DLG2: variants seen among roughly 807,000 people sequenced by gnomAD.
DLG2 encodes the protein discs large MAGUK scaffold protein 2, also known as disks large homolog 2.
In DLG2, 45 loss-of-function variants were observed where a neutral mutation model predicts 132.5. The observed-to-expected ratio is 0.34, with a 90% confidence interval of 0.27 to 0.44. DLG2 has a LOEUF of 0.44. Ranked by LOEUF, DLG2 falls within the 20% of genes least tolerant of loss-of-function variation. The probability of loss-of-function intolerance (pLI) is 1.00; values close to 1 mark genes in which losing one functional copy is unlikely to be tolerated. For missense variants in DLG2, 1,045 were observed against 1,196.9 expected (o/e 0.87, Z 1.87); for synonymous variants, 424 against 419.6 (o/e 1.01, Z -0.13).
chr11:84,627,758 C>A (rs746042030), intron 6 of DLG2, among the ~76,000 whole-genome samples: 3 of 152,142 alleles, frequency 2.0e-5, no homozygotes, highest in Non-Finnish European at 4.4e-5. Context: ...CCTCAGGGAG[C>A]TTTTACTCAT....
intron 3 of DLG2, among the ~76,000 whole-genome samples, chr11:85,517,606 TTTC>T (rs1384697600): frequency 1.3e-5 from 2 of 151,916 alleles, no homozygotes; most frequent in Non-Finnish European, 1.5e-5. Context: ...GTAGCATTTC[TTTC>T]TTCTTTTTTT....
chr11:85,406,367 A>T (rs2088734795), intron 3 of DLG2, among the ~76,000 whole-genome samples: 1 of 151,952 alleles, frequency 6.6e-6, no homozygotes, highest in South Asian at 2.1e-4. Flanking sequence ...TCTCAGAGTC[A>T]GCATTGTAGG....
At chr11:84,443,772 T>C (rs2099024508) in intron 7 of DLG2, among the ~76,000 whole-genome samples, 1 of 152,056 alleles carries the variant, frequency 6.6e-6, no homozygotes, top group African/African-American at 2.4e-5. Context: ...ACTTGATGTA[T>C]ACTGAACACT....
At chr11:85,195,298 T>C (rs1219748318) in intron 4 of DLG2, among the ~76,000 whole-genome samples, 1 of 152,080 alleles carries the variant, frequency 6.6e-6, no homozygotes, top group Non-Finnish European at 1.5e-5. Context: ...TAATGGTGAC[T>C]ATATTTTTCA....
chr11:84,539,147 G>A (rs1221932251), intron 6 of DLG2, among the ~76,000 whole-genome samples: 7 of 152,090 alleles, frequency 4.6e-5, no homozygotes, highest in Non-Finnish European at 1.0e-4. Flanking sequence ...ATCACCATAT[G>A]AGACATAGGT....
intron 6 of DLG2, among the ~76,000 whole-genome samples, chr11:84,820,372 T>G (rs1239498069): frequency 6.6e-6 from 1 of 151,924 alleles, no homozygotes; most frequent in Non-Finnish European, 1.5e-5. Flanking sequence ...AGTTTCTTTC[T>G]GTTCCACTTT....
intron 8 of DLG2, among the ~76,000 whole-genome samples, chr11:84,184,467 T>C (rs982568258): frequency 2.6e-5 from 4 of 152,120 alleles, no homozygotes; most frequent in African/African-American, 9.7e-5. Flanking sequence ...ATTCTGGATA[T>C]TAGCCCTTTG....
At chr11:84,352,632 T>C (rs2098584850) in intron 7 of DLG2, among the ~76,000 whole-genome samples, 1 of 152,192 alleles carries the variant, frequency 6.6e-6, no homozygotes, top group African/African-American at 2.4e-5. Context: ...TTGTTGCTTA[T>C]CTGCTGGCTC....
intron 3 of DLG2, among the ~76,000 whole-genome samples, chr11:85,499,151 G>A (rs2153122563): frequency 6.6e-6 from 1 of 152,150 alleles, no homozygotes; most frequent in East Asian, 1.9e-4. Context: ...AAAAATTAAT[G>A]AATCCTGGAG....
chr11:85,179,814 G>A, intron 4 of DLG2, among the ~76,000 whole-genome samples: 1 of 151,816 alleles, frequency 6.6e-6, no homozygotes, highest in Non-Finnish European at 1.5e-5. Flanking sequence ...GTTAATAACG[G>A]TAGTTAATAC....
chr11:83,537,830 AAAAAAGAGAG>A (rs1445731913), intron 20 of DLG2, among the ~76,000 whole-genome samples: 2,039 of 138,668 alleles, frequency 0.015, 103 homozygotes, highest in African/African-American at 0.043. Context: ...AAAAAAAAAA[AAAAAAGAGAG>A]AGAGAGATAC....
chr11:84,385,229 C>T (rs1186737178), intron 7 of DLG2, among the ~76,000 whole-genome samples: 1 of 151,928 alleles, frequency 6.6e-6, no homozygotes, highest in South Asian at 2.1e-4. Flanking sequence ...TTTTTTTAAT[C>T]TCTTTAAAGA....
At chr11:84,784,090 G>T (rs1462062288) in intron 6 of DLG2, among the ~76,000 whole-genome samples, 1 of 127,098 alleles carries the variant, frequency 7.9e-6, no homozygotes, top group Non-Finnish European at 1.6e-5. Flanking sequence ...CTGAGGTCAG[G>T]AGTTCAAGAC....
At chr11:83,881,289 C>T (rs2066195564) in intron 15 of DLG2, among the ~76,000 whole-genome samples, 1 of 152,086 alleles carries the variant, frequency 6.6e-6, no homozygotes, top group Non-Finnish European at 1.5e-5. Context: ...ATATTTGTGA[C>T]CTCAAATGAT....
intron 4 of DLG2, among the ~76,000 whole-genome samples, chr11:85,275,206 T>G (rs1356260819): frequency 6.6e-6 from 1 of 152,136 alleles, no homozygotes; most frequent in Admixed American, 6.6e-5. Flanking sequence ...TGACTAGAGG[T>G]GCTAATTGCT....
chr11:84,400,436 G>A (rs1465378023), intron 7 of DLG2, among the ~76,000 whole-genome samples: 1 of 152,160 alleles, frequency 6.6e-6, no homozygotes, highest in Non-Finnish European at 1.5e-5. Context: ...AGTAAAGACT[G>A]CTGGCTCAAA....
At chr11:84,550,183 C>G (rs1168477606) in intron 6 of DLG2, among the ~76,000 whole-genome samples, 1 of 151,736 alleles carries the variant, frequency 6.6e-6, no homozygotes, top group Admixed American at 6.6e-5. Flanking sequence ...CTCAATTCAG[C>G]CTTATCACCA....
At position 84,033,989 on chromosome 11, in the gene DLG2, G is replaced by A. The variant is rs1030332757; in HGVS notation, c.919+25326C>T. On this transcript the variant is annotated intron_variant, in intron 11 of 27. Coordinates refer to ENST00000376104, the MANE Select transcript of DLG2 (RefSeq NM_001142699.3). Reference sequence around the variant, plus strand: ...CCAGCTACTCAGGAAGCTGAGGCAGGAGAATCGCTTGAACCCAGGAGGCGG... The same window carrying A: ...CCAGCTACTCAGGAAGCTGAGGCAGAAGAATCGCTTGAACCCAGGAGGCGG... Among the ~76,000 whole-genome samples the A allele has an allele frequency of 2.6e-5, 4 of 152,204 alleles. No individual in the cohort carries two copies. In the South Asian group the frequency reaches 6.2e-4, roughly 24 times the overall value.
chr11:84,575,706 T>C (rs2099498115), intron 6 of DLG2, among the ~76,000 whole-genome samples: 1 of 152,210 alleles, frequency 6.6e-6, no homozygotes. Context: ...CTCTTTTCAT[T>C]ATTTTAAAAT....
Sources: gnomAD v4.1 joint callset for allele counts (sites outside exome capture counted in the v4.1 genomes callset) on GRCh38, gnomAD v4.1.1 for gene constraint, MANE v1.5 for transcripts, NCBI Gene and HGNC (gene_info 2026-07-23, HGNC 2026-07-21) for gene names.